The following CTNNA3 variants were observed in gnomAD, a reference collection of about 807,000 sequenced individuals.
CTNNA3 encodes catenin alpha-3.
Under a neutral mutation model 95.7 loss-of-function variants are expected in CTNNA3, and 76 were observed. That is an observed-to-expected ratio of 0.79 (90% confidence interval 0.66 to 0.96). The LOEUF is 0.96. Among genes scored for constraint, CTNNA3 ranks in the 40% least tolerant of loss-of-function variants. CTNNA3 has a pLI of 0.00. For missense variants in CTNNA3, 1,191 were observed against 1,089.8 expected (o/e 1.09, Z -1.31); for synonymous variants, 431 against 374.4 (o/e 1.15, Z -1.74).
chr10:66,705,659 A>G (rs961286046), intron 9 of CTNNA3, among the ~76,000 whole-genome samples: 3 of 152,030 alleles, frequency 2.0e-5, no homozygotes, highest in Non-Finnish European at 2.9e-5. Flanking sequence ...TTAATACTCC[A>G]TCTTTTTTTG....
intron 5 of CTNNA3, among the ~76,000 whole-genome samples, chr10:67,461,722 G>A (rs111705089): frequency 0.017 from 2,656 of 152,172 alleles, 85 homozygotes; most frequent in African/African-American, 0.059. Context: ...GTCTTTCCTA[G>A]TCAATTAACC....
intron 11 of CTNNA3, among the ~76,000 whole-genome samples, chr10:66,433,136 T>C (rs2093310772): frequency 6.6e-6 from 1 of 152,228 alleles, no homozygotes; most frequent in East Asian, 1.9e-4. Flanking sequence ...TATAGTAGAA[T>C]GATTTATGAT....
intron 15 of CTNNA3, among the ~76,000 whole-genome samples, chr10:66,025,600 C>T (rs1280473162): frequency 6.6e-6 from 1 of 152,126 alleles, no homozygotes; most frequent in Non-Finnish European, 1.5e-5. Flanking sequence ...GCTTTGTTCA[C>T]CTGTATCAAA....
At chr10:66,657,609 C>A (rs1846112550) in intron 9 of CTNNA3, among the ~76,000 whole-genome samples, 1 of 152,080 alleles carries the variant, frequency 6.6e-6, no homozygotes, top group Admixed American at 6.6e-5. Context: ...CAAATCAGAC[C>A]CTATATTACT....
At chr10:66,368,367 T>C (rs1554946795) in intron 12 of CTNNA3, among the ~76,000 whole-genome samples, 1 of 151,982 alleles carries the variant, frequency 6.6e-6, no homozygotes, top group Non-Finnish European at 1.5e-5. Flanking sequence ...TGCTGCTCTC[T>C]TTCATCTATC....
intron 13 of CTNNA3, among the ~76,000 whole-genome samples, chr10:66,149,026 C>T (rs1426024029): frequency 6.6e-6 from 1 of 150,732 alleles, no homozygotes; most frequent in African/African-American, 2.4e-5. Flanking sequence ...TTATAATTAA[C>T]TGTAATTTAA....
intron 7 of CTNNA3, among the ~76,000 whole-genome samples, chr10:66,871,451 A>C (rs1235387273): frequency 6.6e-6 from 1 of 150,558 alleles, no homozygotes; most frequent in Non-Finnish European, 1.5e-5. Context: ...AATCCCAGCT[A>C]CTCGGGAGGC....
intron 11 of CTNNA3, among the ~76,000 whole-genome samples, chr10:66,419,653 T>C (rs1178314045): frequency 1.3e-5 from 2 of 152,162 alleles, no homozygotes; most frequent in African/African-American, 4.8e-5. Context: ...TACAGGGCTA[T>C]AATAACCAAA....
chr10:66,634,840 T>C (rs922080282), intron 9 of CTNNA3, among the ~76,000 whole-genome samples: 4 of 152,052 alleles, frequency 2.6e-5, no homozygotes, highest in African/African-American at 9.7e-5. Context: ...GAATGTGCCA[T>C]CACAAAAGAA....
intron 11 of CTNNA3, among the ~76,000 whole-genome samples, chr10:66,388,680 TA>T (rs930616928): frequency 2.1e-5 from 3 of 145,060 alleles, no homozygotes; most frequent in African/African-American, 7.8e-5. Context: ...AAATTATAAA[TA>T]AAATAACGAA....
intron 13 of CTNNA3, among the ~76,000 whole-genome samples, chr10:66,197,336 CTCTA>C (rs200815679): frequency 0.2 from 30,087 of 147,990 alleles, 3,250 homozygotes; most frequent in Non-Finnish European, 0.25. Flanking sequence ...CAATCCAAAT[CTCTA>C]TCTATCTATC....
At position 66,356,117 on chromosome 10, in the gene CTNNA3, G is replaced by GT. The variant is rs1275052192; in HGVS notation, c.1732+23034dup. ...GTGGATGCTCCAAATTTGTTTGCTT[G>GT]TTTTGTTTTTTTTTTTTTTTTTTTG... On this transcript the variant is annotated intron_variant, in intron 12 of 17. Transcript: ENST00000433211. 4.2e-3 allele frequency among the ~76,000 whole-genome samples: 436 copies of GT among 104,568 alleles called. 3 individuals are homozygous for GT. The highest frequency in any genetic ancestry group is 0.015 in the African/African-American group (374 of 25,740). 68.6% of individuals were successfully genotyped at this position (104,568 alleles called of 152,430 possible).
At chr10:67,549,520 A>G (rs2133224069) in intron 3 of CTNNA3, among the ~76,000 whole-genome samples, 2 of 152,292 alleles carry the variant, frequency 1.3e-5, no homozygotes, top group South Asian at 4.2e-4. Flanking sequence ...TACTTTTCCC[A>G]CCAATGATAC....
intron 15 of CTNNA3, among the ~76,000 whole-genome samples, chr10:66,022,791 C>A (rs73308137): frequency 0.027 from 4,139 of 152,212 alleles, 193 homozygotes; most frequent in African/African-American, 0.095. Context: ...CTCCTATATC[C>A]CCTTGTGGTC....
chr10:66,481,609 C>T (rs1839536544), intron 11 of CTNNA3, among the ~76,000 whole-genome samples: 1 of 146,928 alleles, frequency 6.8e-6, no homozygotes, highest in Admixed American at 6.6e-5. Flanking sequence ...GTAGCTGGGA[C>T]TACAGGCGCC....
intron 7 of CTNNA3, among the ~76,000 whole-genome samples, chr10:66,909,033 G>A (rs1846112135): frequency 6.6e-6 from 1 of 152,142 alleles, no homozygotes; most frequent in African/African-American, 2.4e-5. Context: ...TTGTTGGCAA[G>A]TTTTTATTTA....
intron 7 of CTNNA3, among the ~76,000 whole-genome samples, chr10:66,992,504 A>T (rs1851094770): frequency 6.6e-6 from 1 of 151,034 alleles, no homozygotes; most frequent in African/African-American, 2.4e-5. Context: ...ATGCATTACA[A>T]ATATGTTCTT....
chr10:66,820,799 G>A lies in CTNNA3; in HGVS notation c.1048-45275C>T, dbSNP rs575346298. On this transcript the variant is annotated intron_variant, in intron 7 of 17. Transcript: ENST00000433211. ...TCTGTGGTTAAAATTTATAAAACTA[G>A]TTTATAACTTCTGATTATGACCAAA... Among the ~76,000 whole-genome samples the A allele has an allele frequency of 2.7e-4, 41 of 152,008 alleles. No homozygotes were observed. The South Asian group carries it at 8.1e-3, about 30-fold the overall frequency.
chr10:66,351,109 C>T (rs58987391), intron 12 of CTNNA3, among the ~76,000 whole-genome samples: 1,763 of 152,088 alleles, frequency 0.012, 23 homozygotes, highest in African/African-American at 0.035. Context: ...AATCTCATTT[C>T]CCATTTATGA....
Sources: allele counts gnomAD v4.1 joint callset (sites outside exome capture counted in the v4.1 genomes callset), GRCh38; gene constraint gnomAD v4.1.1; transcripts MANE v1.5; gene names NCBI Gene and HGNC (gene_info 2026-07-23, HGNC 2026-07-21).